CHIC1: variants seen among roughly 807,000 people sequenced by gnomAD.
The protein encoded by CHIC1 is cysteine-rich hydrophobic domain-containing protein 1.
Under a neutral mutation model 18.5 loss-of-function variants are expected in CHIC1, and 7 were observed. The ratio of observed to expected loss-of-function variants is 0.38; its 90% CI spans 0.22 to 0.71. The LOEUF is 0.71. Among genes scored for constraint, CHIC1 ranks in the 30% least tolerant of loss-of-function variants. The probability of loss-of-function intolerance (pLI) is 0.49; values close to 1 mark genes in which losing one functional copy is unlikely to be tolerated. For synonymous variants in CHIC1, 77 were observed against 73.5 expected (o/e 1.05, Z -0.25); for missense variants, 159 against 176.9 (o/e 0.90, Z 0.57).
chrX:73,609,575 C>A lies in CHIC1; in HGVS notation c.507+25003C>A, dbSNP rs1402216184. Among the ~76,000 whole-genome samples, 4 of 109,444 alleles carry A rather than the reference C, an allele frequency of 3.7e-5. 1 individual carries two copies. The highest frequency in any genetic ancestry group is 1.4e-4 in the African/African-American group (4 of 28,299). On this transcript the variant is annotated intron_variant, in intron 3 of 5. Coordinates refer to ENST00000373502, the MANE Select transcript of CHIC1 (RefSeq NM_001039840.4). The stretch of plus-strand genomic sequence containing the variant: ...CACCATCACACCTGGCTAATGTTTT[C>A]TTTTAAAATACTTATAGAGATGGGG...
At chrX:73,668,611 C>T (rs1360908810) in intron 3 of CHIC1, among the ~76,000 whole-genome samples, 1 of 111,497 alleles carries the variant, frequency 9.0e-6, no homozygotes, top group Non-Finnish European at 1.9e-5. Context: ...AGGGCTGCTG[C>T]AGTTTGCTGG....
intron 3 of CHIC1, among the ~76,000 whole-genome samples, chrX:73,588,504 A>G (rs2057564617): frequency 9.0e-6 from 1 of 111,244 alleles, no homozygotes; most frequent in African/African-American, 3.2e-5. Flanking sequence ...TCCACTATCT[A>G]GTTTCAGAAA....
rs1377192079 is a variant in CHIC1 at position 73,601,738 on chromosome X, C to CA, written c.507+17172dup. 3.3e-3 allele frequency among the ~76,000 whole-genome samples: 351 copies of CA among 104,982 alleles called. 3 individuals carry two copies. Among genetic ancestry groups the CA allele is most frequent in the Non-Finnish European group, 2.0e-3 (104 of 52,156 alleles). The allele number at this position is 104,982 out of a possible 115,157, so 91.2% of individuals were successfully genotyped here. On this transcript the variant is annotated intron_variant, in intron 3 of 5. Coordinates refer to ENST00000373502, the MANE Select transcript of CHIC1 (RefSeq NM_001039840.4). Reference sequence around the variant, plus strand: ...AGCAGAACTGAAGGAAATAGAGACACAAAAAACCCTTCAAAAAATTAATGA... The same window carrying CA: ...AGCAGAACTGAAGGAAATAGAGACACAAAAAAACCCTTCAAAAAATTAATGA...
At chrX:73,572,897 A>G (rs1030795146) in intron 1 of CHIC1, among the ~76,000 whole-genome samples, 1 of 110,630 alleles carries the variant, frequency 9.0e-6, no homozygotes, top group African/African-American at 3.3e-5. Flanking sequence ...CCCATTCTGT[A>G]TGTTGTCTGT....
intron 3 of CHIC1, among the ~76,000 whole-genome samples, chrX:73,612,454 A>G (rs1265441762): frequency 9.0e-6 from 1 of 110,672 alleles, no homozygotes; most frequent in Non-Finnish European, 1.9e-5. Flanking sequence ...AATGCTATCA[A>G]CTTTCATTTA....
chrX:73,607,540 C>A (rs1159185520), intron 3 of CHIC1, among the ~76,000 whole-genome samples: 1 of 107,882 alleles, frequency 9.3e-6, no homozygotes. Flanking sequence ...GAAAAAAAAA[C>A]ACTTCTGCAA....
chrX:73,619,422 C>T (rs1330718792), intron 3 of CHIC1, among the ~76,000 whole-genome samples: 2 of 110,966 alleles, frequency 1.8e-5, no homozygotes, highest in Non-Finnish European at 3.8e-5. Flanking sequence ...ATGATTTACT[C>T]CTTTCATTTT....
chrX:73,614,159 TA>T (rs773086380), intron 3 of CHIC1, among the ~76,000 whole-genome samples: 5 of 111,762 alleles, frequency 4.5e-5, no homozygotes, highest in African/African-American at 1.6e-4. Flanking sequence ...TGGCTGGCAT[TA>T]TTTTTTTTTA....
chrX:73,674,007 C>T (rs919785880), intron 3 of CHIC1, among the ~76,000 whole-genome samples: 3 of 111,916 alleles, frequency 2.7e-5, no homozygotes, highest in African/African-American at 6.5e-5. Flanking sequence ...TTGCGATAAT[C>T]ATGTAGTTTT....
At chrX:73,628,722 T>C (rs2057794416) in intron 3 of CHIC1, among the ~76,000 whole-genome samples, 1 of 111,212 alleles carries the variant, frequency 9.0e-6, no homozygotes, top group Non-Finnish European at 1.9e-5. Flanking sequence ...AGTGCCTCTT[T>C]CAGTGATATG....
chrX:73,621,830 G>A (rs778208023), intron 3 of CHIC1, among the ~76,000 whole-genome samples: 34 of 112,059 alleles, frequency 3.0e-4, no homozygotes, highest in African/African-American at 1.0e-3. Flanking sequence ...TTGACTGTGG[G>A]TTTGTTATGA....
rs2058124418 is a variant in CHIC1, at chrX:73,686,799, T to G, written c.*5794T>G. 9.0e-6 allele frequency: 1 copy of G among 111,500 alleles called. No individual in the cohort carries two copies. The highest frequency in any genetic ancestry group is 3.3e-5 in the African/African-American group (1 of 30,712). 9.2% of individuals were successfully genotyped at this position (111,500 alleles called of 1,213,427 possible). A position where few individuals can be genotyped will look rare whatever the true frequency, so the allele number is the denominator to read the frequency against. ...GGTGGAGAAGCCTAGGATTTCAACT[T>G]TTTGTCAGAGGATTCCTGTTGGGAC... On this transcript the variant is annotated 3_prime_UTR_variant, in exon 6 of 6. Transcript: ENST00000373502.
chrX:73,584,646 C>T (rs1032757695), intron 3 of CHIC1, 74 bp downstream of exon 3: 1 of 746,854 alleles, frequency 1.3e-6, no homozygotes, highest in African/African-American at 2.1e-5. Flanking sequence ...GCTATGAACT[C>T]TTTTCAAGTA....
intron 3 of CHIC1, among the ~76,000 whole-genome samples, chrX:73,670,249 G>T (rs1426764462): frequency 2.7e-5 from 3 of 111,320 alleles, no homozygotes; most frequent in South Asian, 3.9e-4. Context: ...TCTCTAATCA[G>T]TCCCAACGTG....
At position 73,643,007 on chromosome X, in the gene CHIC1, G is replaced by A. The variant is rs184574783; in HGVS notation, c.508-36319G>A. Among the ~76,000 whole-genome samples the A allele has an allele frequency of 2.7e-4, 30 of 111,819 alleles. No individual in the cohort carries two copies. In the Middle Eastern group the frequency reaches 0.014, roughly 52 times the overall value. ...TAGGATTGACTTGGCGTTGCAGGCC[G>A]GTTGTTCCTTTCCATGTTTAGTGCT... On this transcript the variant is annotated intron_variant, in intron 3 of 5. Transcript: ENST00000373502.
chrX:73,616,888 A>T (rs919395307), intron 3 of CHIC1, among the ~76,000 whole-genome samples: 2 of 111,995 alleles, frequency 1.8e-5, no homozygotes, highest in Non-Finnish European at 3.8e-5. Context: ...GGTCTCTGAC[A>T]TGCCCTGGAG....
chrX:73,584,993 A>G (rs2057546080), intron 3 of CHIC1, among the ~76,000 whole-genome samples: 1 of 111,689 alleles, frequency 9.0e-6, no homozygotes, highest in African/African-American at 3.2e-5. Flanking sequence ...TGTTACAATA[A>G]CATGCTAGCA....
intron 3 of CHIC1, among the ~76,000 whole-genome samples, chrX:73,632,286 C>A (rs1427980947): frequency 1.8e-5 from 2 of 111,710 alleles, no homozygotes; most frequent in Non-Finnish European, 3.8e-5. Flanking sequence ...AGTATAATTA[C>A]CCCTGCTAAT....
intron 3 of CHIC1, among the ~76,000 whole-genome samples, chrX:73,674,100 G>C (rs5939030): frequency 6.3e-5 from 7 of 110,633 alleles, no homozygotes; most frequent in South Asian, 3.9e-4. Flanking sequence ...GGAAGAAGCC[G>C]ACTTGATCAT....
Sources: gnomAD v4.1 joint callset for allele counts (sites outside exome capture counted in the v4.1 genomes callset) on GRCh38, gnomAD v4.1.1 for gene constraint, MANE v1.5 for transcripts, NCBI Gene and HGNC (gene_info 2026-07-23, HGNC 2026-07-21) for gene names.